Variants in SVOPL observed in about 807,000 individuals in gnomAD.
SVOPL encodes SVOP like.
In SVOPL, 60 loss-of-function variants were observed where a neutral mutation model predicts 61.0. The ratio of observed to expected loss-of-function variants is 0.98; its 90% CI spans 0.80 to 1.22. The LOEUF is 1.22. Ranked by LOEUF, SVOPL falls within the 50% of genes most tolerant of loss-of-function variation. The pLI, the probability that SVOPL is intolerant of heterozygous loss-of-function variation, is 0.00. For synonymous variants in SVOPL, 279 were observed against 250.0 expected, an observed-to-expected ratio of 1.12 and a Z score of -1.09; for missense variants, 662 against 643.9, an observed-to-expected ratio of 1.03 and a Z score of -0.30.
intron 1 of SVOPL, among the ~76,000 whole-genome samples, chr7:138,688,210 G>A (rs1050008928): frequency 9.2e-5 from 14 of 152,060 alleles, no homozygotes; most frequent in East Asian, 7.7e-4. Context: ...TTGGTCATTC[G>A]GGAAATGCAA....
intron 14 of SVOPL, among the ~76,000 whole-genome samples, chr7:138,620,448 A>G (rs1465333757): frequency 6.7e-6 from 1 of 148,416 alleles, no homozygotes; most frequent in Non-Finnish European, 1.5e-5. Flanking sequence ...TGCAGCCAAA[A>G]AAAAAAAAAA....
intron 14 of SVOPL, among the ~76,000 whole-genome samples, chr7:138,602,297 A>G (rs1303173672): frequency 6.6e-6 from 1 of 152,196 alleles, no homozygotes; most frequent in African/African-American, 2.4e-5. Flanking sequence ...AGAAAAAAAT[A>G]AAATGCAAAC....
chr7:138,675,479 G>A (rs111700550), intron 3 of SVOPL, among the ~76,000 whole-genome samples: 3,149 of 151,904 alleles, frequency 0.021, 103 homozygotes, highest in African/African-American at 0.073. Flanking sequence ...CCTGCCTTCC[G>A]AGTAGCTGGG....
chr7:138,693,795 T>A (rs1803006534), intron 1 of SVOPL, among the ~76,000 whole-genome samples: 2 of 152,128 alleles, frequency 1.3e-5, no homozygotes, highest in African/African-American at 4.8e-5. Context: ...ATTGGATTTG[T>A]TGCCATGTGC....
At chr7:138,696,927 T>C (rs1584874121) in intron 1 of SVOPL, among the ~76,000 whole-genome samples, 1 of 152,258 alleles carries the variant, frequency 6.6e-6, no homozygotes, top group East Asian at 1.9e-4. Context: ...GGCCATGACC[T>C]ATTGGGTCAG....
intron 5 of SVOPL, chr7:138,661,991 G>A (rs529326642): frequency 8.4e-5 from 83 of 985,322 alleles, no homozygotes; most frequent in Non-Finnish European, 9.6e-5. Flanking sequence ...AACCCACTGC[G>A]TTCCCCTAAC....
intron 5 of SVOPL, chr7:138,661,129 A>T: frequency 1.0e-6 from 1 of 985,384 alleles, no homozygotes; most frequent in Non-Finnish European, 1.2e-6. Flanking sequence ...CAATTCTACT[A>T]ATGTTTTCCT....
In SVOPL at chr7:138,625,977, T is replaced by G. The variant is rs758298420; in HGVS notation, c.1255A>C (p.Thr419Pro). 2.2e-5 allele frequency: 36 copies of G among 1,613,956 alleles called. No individual in the cohort carries two copies. The Admixed American group carries it at 5.8e-4, about 26-fold the overall frequency. The part of the protein sequence containing the change: ...AANFNTVYIY[T>P]AEVYPTTMRA... ...CTTGCATGAAAACTCACCTCAGCTGTGTAAATGTAGACGGTGTTGAAGTTT... is the reference window on the plus strand; with the variant it reads ...CTTGCATGAAAACTCACCTCAGCTGGGTAAATGTAGACGGTGTTGAAGTTT... Residue 419 changes from threonine (T) to proline (P), a missense_variant, in exon 13 of 16, where the codon ACA becomes CCA. Thr to Pro is a conservative substitution (Grantham distance 38). Coordinates refer to ENST00000674285, the MANE Select transcript of SVOPL (RefSeq NM_001139456.2).
chr7:138,662,954 C>T, intron 5 of SVOPL, 120 bp downstream of exon 5: 12 of 1,523,870 alleles, frequency 7.9e-6, no homozygotes, highest in Admixed American at 2.2e-5. Flanking sequence ...AGGGAAATGT[C>T]TGCATTTTCT....
At chr7:138,662,817 G>C in intron 5 of SVOPL, 2 of 1,290,896 alleles carry the variant, frequency 1.5e-6, no homozygotes, top group Non-Finnish European at 2.0e-6. Context: ...TCTGGGTAGA[G>C]ATTTCTTAGA....
At chr7:138,638,387 A>G (rs563451478) in intron 9 of SVOPL, among the ~76,000 whole-genome samples, 14 of 152,258 alleles carry the variant, frequency 9.2e-5, no homozygotes, top group South Asian at 2.1e-4. Flanking sequence ...ATAAATCTAA[A>G]TAAATACTGG....
chr7:138,653,107 A>T (rs1801520164), intron 7 of SVOPL, among the ~76,000 whole-genome samples: 1 of 152,194 alleles, frequency 6.6e-6, no homozygotes, highest in South Asian at 2.1e-4. Context: ...AATTATGGGA[A>T]GGCTAAGAGA....
At chr7:138,681,629 G>T (rs1802703536) in intron 1 of SVOPL, among the ~76,000 whole-genome samples, 1 of 152,044 alleles carries the variant, frequency 6.6e-6, no homozygotes, top group African/African-American at 2.4e-5. Context: ...TTTGAGACCA[G>T]TCTGGCCAAC....
chr7:138,615,560 C>CAAAAAAAAAAAAAAAAAAAAAA (rs770404185), intron 14 of SVOPL, among the ~76,000 whole-genome samples: 1 of 5,542 alleles, frequency 1.8e-4, no homozygotes, highest in African/African-American at 3.3e-4. Flanking sequence ...ACTCCGTCTC[C>CAAAAAAAAAAAAAAAAAAAAAA]AAAAAAAAAA....
intron 3 of SVOPL, among the ~76,000 whole-genome samples, chr7:138,677,156 G>A (rs1010951713): frequency 1.5e-4 from 23 of 151,874 alleles, no homozygotes; most frequent in Admixed American, 6.6e-4. Flanking sequence ...CGCCCGCCTC[G>A]GCCTCCCAAA....
chr7:138,605,427 C>T (rs1320693908), intron 14 of SVOPL, among the ~76,000 whole-genome samples: 4 of 151,786 alleles, frequency 2.6e-5, no homozygotes, highest in Admixed American at 6.6e-5. Context: ...TTTGGGAGGC[C>T]GAGGCAGATG....
chr7:138,684,876 G>A lies in SVOPL; in HGVS notation c.-34-5797C>T, dbSNP rs140686938. On this transcript the variant is annotated intron_variant, in intron 1 of 15. Coordinates refer to ENST00000674285, the MANE Select transcript of SVOPL (RefSeq NM_001139456.2). ...TAAAACAACCCAAATGTCCATTAAC[G>A]GATGTGTGGAAAAGGAAATTGGGTA... Among the ~76,000 whole-genome samples the A allele has an allele frequency of 6.9e-3, 1,048 of 151,688 alleles. 19 individuals carry two copies. The highest frequency in any genetic ancestry group is 0.038 in the Admixed American group (571 of 15,226).
intron 14 of SVOPL, among the ~76,000 whole-genome samples, chr7:138,612,685 T>G (rs993551313): frequency 6.6e-6 from 1 of 152,020 alleles, no homozygotes; most frequent in Non-Finnish European, 1.5e-5. Context: ...CCAGCTAATA[T>G]TGTATTTTTA....
chr7:138,597,171 T>C, intron 14 of SVOPL: 1 of 1,288,520 alleles, frequency 7.8e-7, no homozygotes, highest in Non-Finnish European at 1.0e-6. Context: ...TAGTTTCTCT[T>C]GGTCTGTGTT....
Sources: allele counts gnomAD v4.1 joint callset (sites outside exome capture counted in the v4.1 genomes callset), GRCh38; gene constraint gnomAD v4.1.1; transcripts MANE v1.5; gene names NCBI Gene and HGNC (gene_info 2026-07-23, HGNC 2026-07-21).